The following AFF2 variants were observed in gnomAD, a reference collection of about 807,000 sequenced individuals.
AFF2 encodes the protein AF4/FMR2 family member 2.
In AFF2, 14 loss-of-function variants were observed where a neutral mutation model predicts 76.9. That is an observed-to-expected ratio of 0.18 (90% confidence interval 0.12 to 0.28). AFF2 has a LOEUF of 0.28. Ranked by LOEUF, AFF2 falls within the 10% of genes least tolerant of loss-of-function variation. The pLI is 1.00. For missense variants in AFF2, 868 were observed against 1,001.1 expected (o/e 0.87, Z 1.79); for synonymous variants, 398 against 366.7 (o/e 1.09, Z -0.98).
At chrX:148,750,250 G>T (rs1302138948) in intron 3 of AFF2, among the ~76,000 whole-genome samples, 2 of 110,922 alleles carry the variant, frequency 1.8e-5, no homozygotes, top group Non-Finnish European at 3.8e-5. Context: ...GATTACAGGC[G>T]GAGCCACTGC....
At chrX:148,732,611 G>T (rs1466877238) in intron 3 of AFF2, among the ~76,000 whole-genome samples, 1 of 85,728 alleles carries the variant, frequency 1.2e-5, no homozygotes, top group Non-Finnish European at 2.3e-5. Context: ...ACAAGCAGAT[G>T]AAAAAAAAAA....
chrX:148,605,665 G>A (rs2053665429), intron 1 of AFF2, among the ~76,000 whole-genome samples: 1 of 111,977 alleles, frequency 8.9e-6, no homozygotes, highest in African/African-American at 3.2e-5. Context: ...AACGATCAAG[G>A]TGTCAAAAGG....
chrX:148,830,036 G>A (rs2070434500), intron 4 of AFF2, among the ~76,000 whole-genome samples: 1 of 112,116 alleles, frequency 8.9e-6, no homozygotes, highest in Non-Finnish European at 1.9e-5. Flanking sequence ...TACATGAGAT[G>A]AGCTTTCCAA....
At chrX:148,595,867 T>TA (rs1159640307) in intron 1 of AFF2, among the ~76,000 whole-genome samples, 7 of 111,434 alleles carry the variant, frequency 6.3e-5, no homozygotes, top group Admixed American at 9.5e-5. Flanking sequence ...TACCTAAAAA[T>TA]AAAAAAATAG....
chrX:148,577,205 G>T (rs1557243605), intron 1 of AFF2, among the ~76,000 whole-genome samples: 15 of 111,538 alleles, frequency 1.3e-4, no homozygotes, highest in African/African-American at 4.9e-4. Flanking sequence ...TGCTCTATTA[G>T]ACCAGTTGTA....
chrX:148,930,431 G>A (rs2071698908), intron 9 of AFF2, among the ~76,000 whole-genome samples: 1 of 111,945 alleles, frequency 8.9e-6, no homozygotes, highest in Non-Finnish European at 1.9e-5. Context: ...ATTACTCAGG[G>A]GATAGCAGAA....
chrX:148,753,683 G>A (rs1448932854), intron 3 of AFF2, among the ~76,000 whole-genome samples: 6 of 111,725 alleles, frequency 5.4e-5, no homozygotes, highest in African/African-American at 2.0e-4. Flanking sequence ...GCACTTTACC[G>A]AGTGGCAGAA....
intron 3 of AFF2, among the ~76,000 whole-genome samples, chrX:148,730,020 A>G (rs2124551443): frequency 8.9e-6 from 1 of 111,813 alleles, no homozygotes; most frequent in East Asian, 2.8e-4. Flanking sequence ...GCATGCAATA[A>G]TCATTAATAA....
At chrX:148,828,480 T>TAA (rs2070414440) in intron 4 of AFF2, among the ~76,000 whole-genome samples, 1 of 112,334 alleles carries the variant, frequency 8.9e-6, no homozygotes, top group Non-Finnish European at 1.9e-5. Context: ...AGTGGGGTGT[T>TAA]CAGTCTTCTA....
At chrX:148,591,916 A>G (rs1435909172) in intron 1 of AFF2, among the ~76,000 whole-genome samples, 1 of 112,246 alleles carries the variant, frequency 8.9e-6, no homozygotes, top group Non-Finnish European at 1.9e-5. Flanking sequence ...CCCATTCACA[A>G]CTTGTTCCTG....
chrX:148,543,761 G>A (rs182806116), intron 1 of AFF2, among the ~76,000 whole-genome samples: 1 of 112,246 alleles, frequency 8.9e-6, no homozygotes, highest in African/African-American at 3.2e-5. Context: ...TGCAAGAATT[G>A]ATATTTGGCA....
chrX:148,974,481 C>T (rs1557289959), intron 16 of AFF2, among the ~76,000 whole-genome samples: 2 of 111,488 alleles, frequency 1.8e-5, no homozygotes, highest in Non-Finnish European at 3.8e-5. Context: ...TCAATAATGC[C>T]AGGACTGGTT....
intron 10 of AFF2, 54 bp from the exon 11 acceptor site, chrX:148,955,549 T>C (rs1557287100): frequency 8.7e-7 from 1 of 1,151,435 alleles, no homozygotes; most frequent in Non-Finnish European, 1.2e-6. Flanking sequence ...CAGGGTTCTC[T>C]TGAATCCTTC....
chrX:148,632,276 G>A (rs781869144), intron 1 of AFF2, among the ~76,000 whole-genome samples: 33 of 111,767 alleles, frequency 3.0e-4, no homozygotes, highest in South Asian at 3.7e-4. Flanking sequence ...AGTCTTGGCC[G>A]AATTCCAGTG....
chrX:148,746,039 A>C (rs2055417643), intron 3 of AFF2, among the ~76,000 whole-genome samples: 1 of 111,678 alleles, frequency 9.0e-6, no homozygotes, highest in Middle Eastern at 4.2e-3. Context: ...CACCGCGCCC[A>C]GCCCGTAGTG....
intron 1 of AFF2, among the ~76,000 whole-genome samples, chrX:148,578,666 A>G (rs1187637007): frequency 1.8e-5 from 2 of 112,000 alleles, no homozygotes; most frequent in Admixed American, 9.5e-5. Flanking sequence ...CTTACTGTGG[A>G]TTATTTTTGT....
chrX:148,546,382 G>C (rs2052920912), intron 1 of AFF2, among the ~76,000 whole-genome samples: 1 of 111,914 alleles, frequency 8.9e-6, no homozygotes, highest in Non-Finnish European at 1.9e-5. Flanking sequence ...TTCATATAAA[G>C]GAGACACAAA....
At chrX:148,547,734 G>A (rs978047431) in intron 1 of AFF2, among the ~76,000 whole-genome samples, 4 of 111,830 alleles carry the variant, frequency 3.6e-5, no homozygotes, top group Admixed American at 9.5e-5. Flanking sequence ...TTTAGTTGCC[G>A]TGACCTAGGT....
intron 3 of AFF2, among the ~76,000 whole-genome samples, chrX:148,708,893 T>A (rs1182610188): frequency 8.9e-6 from 1 of 112,072 alleles, no homozygotes; most frequent in Non-Finnish European, 1.9e-5. Flanking sequence ...CGTTTTTCTG[T>A]ATTTAGTAAG....
Sources: allele counts gnomAD v4.1 joint callset (sites outside exome capture counted in the v4.1 genomes callset), GRCh38; gene constraint gnomAD v4.1.1; transcripts MANE v1.5; gene names NCBI Gene and HGNC (gene_info 2026-07-23, HGNC 2026-07-21).